Variants in PLPPR1 observed in about 807,000 individuals in gnomAD.
The protein encoded by PLPPR1 is phospholipid phosphatase related 1.
PLPPR1 carries 10 observed loss-of-function variants against 33.1 expected under a neutral mutation model. That is an observed-to-expected ratio of 0.30 (90% CI 0.19 to 0.51). The LOEUF is 0.51. Among genes scored for constraint, PLPPR1 ranks in the 20% least tolerant of loss-of-function variants. The pLI is 0.97. For missense variants in PLPPR1, 304 were observed against 408.1 expected (o/e 0.74, Z 2.20); for synonymous variants, 151 against 151.0 (o/e 1.00, Z 0.00).
At chr9:101,314,609 A>C (rs1453284157) in intron 6 of PLPPR1, among the ~76,000 whole-genome samples, 1 of 152,294 alleles carries the variant, frequency 6.6e-6, no homozygotes, top group South Asian at 2.1e-4. Flanking sequence ...GTCTAAAAAA[A>C]AAAAAACCAA....
chr9:101,178,436 A>T (rs1326838497), intron 1 of PLPPR1, among the ~76,000 whole-genome samples: 1 of 152,070 alleles, frequency 6.6e-6, no homozygotes, highest in Non-Finnish European at 1.5e-5. Flanking sequence ...GTAGACACTT[A>T]CTCCAGATAT....
intron 2 of PLPPR1, among the ~76,000 whole-genome samples, chr9:101,193,592 G>T (rs189812725): frequency 2.6e-5 from 4 of 152,172 alleles, no homozygotes; most frequent in Admixed American, 2.6e-4. Context: ...TCAGGTTTCA[G>T]ATTTTTTATG....
chr9:101,035,901 C>T (rs940992151), intron 1 of PLPPR1, among the ~76,000 whole-genome samples: 2 of 152,100 alleles, frequency 1.3e-5, no homozygotes, highest in African/African-American at 4.8e-5. Context: ...CTTTTGCTTA[C>T]TGTAGTTAAG....
intron 1 of PLPPR1, among the ~76,000 whole-genome samples, chr9:101,098,423 A>G (rs902316516): frequency 1.3e-5 from 2 of 152,122 alleles, no homozygotes. Flanking sequence ...GGGAGGTTGC[A>G]TACCCCTTCT....
intron 1 of PLPPR1, among the ~76,000 whole-genome samples, chr9:101,136,855 T>C (rs1831383913): frequency 6.6e-6 from 1 of 152,148 alleles, no homozygotes; most frequent in South Asian, 2.1e-4. Flanking sequence ...GAATGGTTAA[T>C]GGGTCTAAAA....
chr9:101,323,914 C>T (rs1309190056), intron 7 of PLPPR1, 111 bp from the exon 8 acceptor site: 2 of 764,354 alleles, frequency 2.6e-6, no homozygotes, highest in African/African-American at 1.7e-5. Flanking sequence ...GGGGACGGAA[C>T]AGCCTGTGTA....
At chr9:101,065,967 C>T (rs549015408) in intron 1 of PLPPR1, among the ~76,000 whole-genome samples, 1 of 152,012 alleles carries the variant, frequency 6.6e-6, no homozygotes, top group Non-Finnish European at 1.5e-5. Context: ...AATATTGATA[C>T]ACTTATTAAC....
intron 1 of PLPPR1, among the ~76,000 whole-genome samples, chr9:101,161,792 T>C (rs181467598): frequency 6.6e-6 from 1 of 152,286 alleles, no homozygotes; most frequent in East Asian, 1.9e-4. Context: ...TTTCTGAAAC[T>C]CTAAGCATAG....
At chr9:101,119,036 C>G (rs1831147020) in intron 1 of PLPPR1, among the ~76,000 whole-genome samples, 1 of 152,156 alleles carries the variant, frequency 6.6e-6, no homozygotes, top group Non-Finnish European at 1.5e-5. Flanking sequence ...AGTTGCTTCT[C>G]TCCAATACTA....
At chr9:101,206,973 C>T (rs940190633) in intron 2 of PLPPR1, among the ~76,000 whole-genome samples, 1 of 152,066 alleles carries the variant, frequency 6.6e-6, no homozygotes, top group Non-Finnish European at 1.5e-5. Context: ...AAAGGGACAT[C>T]ACCTACCCCT....
intron 1 of PLPPR1, among the ~76,000 whole-genome samples, chr9:101,174,983 G>A (rs568683529): frequency 6.6e-6 from 1 of 152,244 alleles, no homozygotes; most frequent in East Asian, 1.9e-4. Context: ...TGTGCATAAT[G>A]AGCTTCAAGT....
At chr9:101,197,747 CTA>C (rs1313239838) in intron 2 of PLPPR1, among the ~76,000 whole-genome samples, 1 of 152,154 alleles carries the variant, frequency 6.6e-6, no homozygotes, top group Non-Finnish European at 1.5e-5. Context: ...AATAAAATAA[CTA>C]TGTTTAAAGA....
At chr9:101,268,346 A>C (rs1205131091) in intron 2 of PLPPR1, among the ~76,000 whole-genome samples, 1 of 152,120 alleles carries the variant, frequency 6.6e-6, no homozygotes, top group African/African-American at 2.4e-5. Context: ...CAGAATTACT[A>C]TCCCAGAAGT....
intron 1 of PLPPR1, among the ~76,000 whole-genome samples, chr9:101,163,956 G>A (rs1825810211): frequency 6.6e-6 from 1 of 152,060 alleles, no homozygotes; most frequent in Non-Finnish European, 1.5e-5. Context: ...GGAATTTGTG[G>A]GTATTTGTTT....
intron 1 of PLPPR1, among the ~76,000 whole-genome samples, chr9:101,148,123 G>A (rs779405295): frequency 1.1e-4 from 16 of 152,114 alleles, no homozygotes; most frequent in Non-Finnish European, 2.1e-4. Context: ...GTATAACTGT[G>A]AGGTGGGTAA....
At chr9:101,208,102 C>G (rs1473663075) in intron 2 of PLPPR1, among the ~76,000 whole-genome samples, 1 of 152,142 alleles carries the variant, frequency 6.6e-6, no homozygotes, top group Non-Finnish European at 1.5e-5. Flanking sequence ...TTTGGTTAGC[C>G]AAGTCTCACT....
intron 4 of PLPPR1, among the ~76,000 whole-genome samples, chr9:101,294,053 C>A (rs1828570952): frequency 1.3e-5 from 2 of 152,080 alleles, no homozygotes; most frequent in South Asian, 4.1e-4. Flanking sequence ...TGATAGACCG[C>A]TAGCAAGACT....
chr9:101,293,692 C>A (rs945797821), intron 4 of PLPPR1, among the ~76,000 whole-genome samples: 13 of 152,090 alleles, frequency 8.5e-5, no homozygotes, highest in African/African-American at 3.1e-4. Context: ...ACAACCTGCT[C>A]CTGAATGACT....
At chr9:101,161,100 T>C (rs1229653554) in intron 1 of PLPPR1, among the ~76,000 whole-genome samples, 1 of 152,190 alleles carries the variant, frequency 6.6e-6, no homozygotes, top group Non-Finnish European at 1.5e-5. Flanking sequence ...AGTGGGAGGT[T>C]CCTAAAAGTC....
Sources: gnomAD v4.1 joint callset for allele counts (sites outside exome capture counted in the v4.1 genomes callset) on GRCh38, gnomAD v4.1.1 for gene constraint, MANE v1.5 for transcripts, NCBI Gene and HGNC (gene_info 2026-07-23, HGNC 2026-07-21) for gene names.